The following GPHN variants were observed in gnomAD, a reference collection of about 807,000 sequenced individuals.
GPHN encodes gephyrin.
Under a neutral mutation model 95.5 loss-of-function variants are expected in GPHN, and 17 were observed. That is an observed-to-expected ratio of 0.18 (90% CI 0.12 to 0.27). The LOEUF (loss-of-function observed/expected upper bound fraction) is 0.27, where lower values mean the gene tolerates loss of function less well. Among genes scored for constraint, GPHN ranks in the 10% least tolerant of loss-of-function variants. The pLI, the probability that GPHN is intolerant of heterozygous loss-of-function variation, is 1.00. For missense variants in GPHN, 660 were observed against 978.1 expected, an observed-to-expected ratio of 0.67 and a Z score of 4.34; for synonymous variants, 320 against 322.5, an observed-to-expected ratio of 0.99 and a Z score of 0.08.
At chr14:67,395,489 C>A in the GPHN span, 1 of 1,614,070 alleles carries the variant, frequency 6.2e-7, no homozygotes, top group Non-Finnish European at 8.5e-7. Context: ...ATGAATAGCC[C>A]CGGTGATCTC....
chr14:66,696,036 T>C (rs1413006070), intron 2 of GPHN, among the ~76,000 whole-genome samples: 1 of 152,208 alleles, frequency 6.6e-6, no homozygotes, highest in Non-Finnish European at 1.5e-5. Flanking sequence ...AGTGGAGGTT[T>C]ATCAGTGGTA....
At chr14:66,906,047 C>A (rs1449787883) in intron 5 of GPHN, among the ~76,000 whole-genome samples, 1 of 150,812 alleles carries the variant, frequency 6.6e-6, no homozygotes, top group East Asian at 2.0e-4. Flanking sequence ...ACACATTATC[C>A]CCAGGTTCAC....
intron 1 of GPHN, among the ~76,000 whole-genome samples, chr14:66,648,283 G>A (rs966603457): frequency 2.0e-5 from 3 of 152,042 alleles, no homozygotes; most frequent in African/African-American, 7.2e-5. Flanking sequence ...AGTCAAAGAA[G>A]CCCTGAATAT....
the GPHN span, chr14:67,586,104 C>A: frequency 6.2e-7 from 1 of 1,613,666 alleles, no homozygotes; most frequent in East Asian, 2.2e-5. Flanking sequence ...CAAGGTAGGT[C>A]TGACAGCTGT....
intron 4 of GPHN, among the ~76,000 whole-genome samples, chr14:66,825,485 G>T (rs1488062939): frequency 6.6e-6 from 1 of 152,092 alleles, no homozygotes; most frequent in East Asian, 1.9e-4. Flanking sequence ...GAATCAATCA[G>T]AGGACTTATT....
chr14:66,896,522 G>A (rs1300097091), intron 5 of GPHN, among the ~76,000 whole-genome samples: 2 of 152,000 alleles, frequency 1.3e-5, no homozygotes, highest in African/African-American at 4.8e-5. Flanking sequence ...TGAAGTGAAA[G>A]AATCACCTGA....
the GPHN span, among the ~76,000 whole-genome samples, chr14:67,498,355 A>C: frequency 6.6e-6 from 1 of 152,068 alleles, no homozygotes; most frequent in African/African-American, 2.4e-5. Flanking sequence ...TCTCCAATTA[A>C]TCTGAGTTTT....
the GPHN span, among the ~76,000 whole-genome samples, chr14:67,230,875 A>G: frequency 2.0e-5 from 3 of 152,240 alleles, no homozygotes; most frequent in Non-Finnish European, 4.4e-5. Flanking sequence ...AGTTCCAGAA[A>G]TAAATAATTC....
chr14:67,366,356 G>A, the GPHN span, among the ~76,000 whole-genome samples: 1 of 152,298 alleles, frequency 6.6e-6, no homozygotes, highest in Non-Finnish European at 1.5e-5. Context: ...ACAGGTGTGA[G>A]CCACTGTGCT....
intron 2 of GPHN, among the ~76,000 whole-genome samples, chr14:66,702,991 G>T (rs2068703435): frequency 6.6e-6 from 1 of 152,128 alleles, no homozygotes; most frequent in African/African-American, 2.4e-5. Flanking sequence ...AGAACTTCAT[G>T]AAGCATACAC....
chr14:66,607,959 T>C (rs2062616988), intron 1 of GPHN, among the ~76,000 whole-genome samples: 1 of 151,814 alleles, frequency 6.6e-6, no homozygotes, highest in Non-Finnish European at 1.5e-5. Context: ...CTTCTTTCCA[T>C]TGATCTTTTG....
chr14:67,642,538 G>A, the GPHN span, among the ~76,000 whole-genome samples: 1 of 152,148 alleles, frequency 6.6e-6, no homozygotes, highest in Non-Finnish European at 1.5e-5. Context: ...TGCTCAAGGG[G>A]CACTGTGGTT....
At chr14:67,379,300 T>C in the GPHN span, among the ~76,000 whole-genome samples, 1,151 of 152,326 alleles carry the variant, frequency 7.6e-3, 13 homozygotes, top group African/African-American at 0.025. Context: ...CTTGCCACAA[T>C]TTGGTATATA....
chr14:66,824,466 T>G lies in GPHN; in HGVS notation c.202-8T>G, dbSNP rs1484710095. Reference sequence around the variant, plus strand: ...TCTGCACATGACTATACTATTGTTTTCTTTCAGGAAACCCTGATAGATTGG... The same window carrying G: ...TCTGCACATGACTATACTATTGTTTGCTTTCAGGAAACCCTGATAGATTGG... On this transcript the variant is annotated splice_region_variant and splice_polypyrimidine_tract_variant and intron_variant, in intron 3 of 22. Coordinates refer to ENST00000478722, the MANE Select transcript of GPHN (RefSeq NM_020806.5). 1.3e-6 allele frequency: 2 copies of G among 1,492,570 alleles called. No individual in the cohort carries two copies. Among genetic ancestry groups the G allele is most frequent in the Non-Finnish European group, 1.9e-6 (2 of 1,071,422 alleles). The allele number at this position is 1,492,570 out of a possible 1,614,324, so 92.5% of individuals were successfully genotyped here.
At chr14:66,872,944 C>A (rs1419076735) in intron 4 of GPHN, among the ~76,000 whole-genome samples, 1 of 149,834 alleles carries the variant, frequency 6.7e-6, no homozygotes, top group Non-Finnish European at 1.5e-5. Flanking sequence ...TATAGGTAAA[C>A]CCCTTCACAT....
intron 4 of GPHN, among the ~76,000 whole-genome samples, chr14:66,852,693 A>C (rs964868179): frequency 6.6e-6 from 1 of 152,192 alleles, no homozygotes; most frequent in Non-Finnish European, 1.5e-5. Flanking sequence ...TAGTCAAGCT[A>C]ATTGTCTCTT....
At chr14:67,199,650 C>A in the GPHN span, 2 of 1,577,954 alleles carry the variant, frequency 1.3e-6, no homozygotes, top group South Asian at 2.2e-5. Flanking sequence ...CTTCTGGCAG[C>A]TCAGAACCCG....
At chr14:66,619,933 A>T (rs1364288547) in intron 1 of GPHN, among the ~76,000 whole-genome samples, 1 of 152,152 alleles carries the variant, frequency 6.6e-6, no homozygotes, top group South Asian at 2.1e-4. Context: ...TTTATGGAAG[A>T]AGTACAAGGA....
In GPHN at chr14:66,761,476, C is replaced by A. The variant is rs561742954; in HGVS notation, c.144-14988C>A. 3.9e-5 allele frequency among the ~76,000 whole-genome samples: 6 copies of A among 152,146 alleles called. No homozygotes were observed. The South Asian group carries it at 1.2e-3, about 32-fold the overall frequency. ...TTTTGATTTTAGTACTTCCTGTTTTCGTTTATTTGCATCTTAGAAGAGCAT... is the reference window on the plus strand; with the variant it reads ...TTTTGATTTTAGTACTTCCTGTTTTAGTTTATTTGCATCTTAGAAGAGCAT... On this transcript the variant is annotated intron_variant, in intron 2 of 22. Transcript: ENST00000478722.
Sources: allele counts gnomAD v4.1 joint callset (sites outside exome capture counted in the v4.1 genomes callset), GRCh38; gene constraint gnomAD v4.1.1; transcripts MANE v1.5; gene names NCBI Gene and HGNC (gene_info 2026-07-23, HGNC 2026-07-21).